Variants in PIK3C2A observed in about 807,000 individuals in gnomAD.
PIK3C2A encodes the protein phosphatidylinositol 4-phosphate 3-kinase C2 domain-containing subunit alpha.
A neutral mutation model predicts 204.5 loss-of-function variants in PIK3C2A; 97 were observed. The observed-to-expected ratio is 0.47, with a 90% CI of 0.40 to 0.56. The LOEUF is 0.56. Ranked by LOEUF, PIK3C2A falls within the 20% of genes least tolerant of loss-of-function variation. PIK3C2A has a pLI of 0.00. For missense variants in PIK3C2A, 1,735 were observed against 1,969.2 expected, an observed-to-expected ratio of 0.88 and a Z score of 2.25; for synonymous variants, 653 against 664.4, an observed-to-expected ratio of 0.98 and a Z score of 0.26.
At chr11:17,147,790 C>T (rs567083696) in intron 5 of PIK3C2A, among the ~76,000 whole-genome samples, 162 bp from the exon 6 acceptor site, 9 of 151,738 alleles carry the variant, frequency 5.9e-5, no homozygotes, top group East Asian at 1.9e-4. Context: ...TTATTCTGTA[C>T]GAGAAGAGTC....
At chr11:17,110,632 CTG>C in intron 21 of PIK3C2A, 71 bp from the exon 22 acceptor site, 1 of 1,416,960 alleles carries the variant, frequency 7.1e-7, no homozygotes, top group Non-Finnish European at 9.5e-7. Flanking sequence ...ACTATGAAAG[CTG>C]TAATCCCAGC....
chr11:17,165,619 T>C (rs936017061), intron 2 of PIK3C2A, among the ~76,000 whole-genome samples: 1 of 151,482 alleles, frequency 6.6e-6, no homozygotes, highest in Non-Finnish European at 1.5e-5. Context: ...CTACTAAAAA[T>C]ACAAAATTAG....
chr11:17,178,075 AGAGT>A (rs1220130452), intron 1 of PIK3C2A, among the ~76,000 whole-genome samples: 1 of 133,638 alleles, frequency 7.5e-6, no homozygotes, highest in African/African-American at 3.0e-5. Context: ...CCTGGGCAAC[AGAGT>A]GAGACTCCAT....
chr11:17,097,862 C>G (rs1432558074), intron 26 of PIK3C2A, among the ~76,000 whole-genome samples: 1 of 152,200 alleles, frequency 6.6e-6, no homozygotes, highest in Non-Finnish European at 1.5e-5. Flanking sequence ...TTGCAGTGAG[C>G]TGAGATTGCG....
At chr11:17,149,809 A>G (rs1458082133) in intron 4 of PIK3C2A, among the ~76,000 whole-genome samples, 1 of 152,138 alleles carries the variant, frequency 6.6e-6, no homozygotes, top group African/African-American at 2.4e-5. Flanking sequence ...TTTCAGATTT[A>G]TATTTTTTCA....
intron 21 of PIK3C2A, among the ~76,000 whole-genome samples, chr11:17,112,236 G>T (rs1483226288): frequency 6.6e-6 from 1 of 152,084 alleles, no homozygotes; most frequent in African/African-American, 2.4e-5. Flanking sequence ...TGGATCACCT[G>T]AGGTCAGGAG....
chr11:17,188,747 C>T (rs1468357866), intron 1 of PIK3C2A, among the ~76,000 whole-genome samples: 1 of 146,940 alleles, frequency 6.8e-6, no homozygotes, highest in Non-Finnish European at 1.5e-5. Flanking sequence ...GAGATCCCAT[C>T]TGAAGTATGT....
At chr11:17,156,349 T>C (rs1253129360) in intron 2 of PIK3C2A, among the ~76,000 whole-genome samples, 2 of 152,218 alleles carry the variant, frequency 1.3e-5, no homozygotes, top group Non-Finnish European at 2.9e-5. Flanking sequence ...TTTCAAGAGC[T>C]ATAACAGATT....
intron 2 of PIK3C2A, among the ~76,000 whole-genome samples, chr11:17,167,745 G>A (rs1297234492): frequency 6.6e-6 from 1 of 152,192 alleles, no homozygotes; most frequent in East Asian, 1.9e-4. Context: ...TAGTAGGTAA[G>A]TGCTGATCTA....
chr11:17,101,554 A>G, intron 24 of PIK3C2A, 120 bp from the exon 25 acceptor site: 1 of 442,646 alleles, frequency 2.3e-6, no homozygotes, highest in Non-Finnish European at 4.0e-6. Flanking sequence ...GAAACTTAAT[A>G]CCACACACTT....
At chr11:17,138,134 CATA>C (rs1849935971) in intron 8 of PIK3C2A, 2 of 775,216 alleles carry the variant, frequency 2.6e-6, no homozygotes, top group Admixed American at 3.6e-5. Flanking sequence ...TGGACAATCT[CATA>C]AGGGCTTTAG....
chr11:17,137,423 C>CTTTTTTTTTTTTT (rs33912263), intron 8 of PIK3C2A, among the ~76,000 whole-genome samples: 18 of 125,056 alleles, frequency 1.4e-4, no homozygotes, highest in African/African-American at 2.7e-4. Flanking sequence ...ATTACTTTGC[C>CTTTTTTTTTTTTT]TTTTTTTTTG....
At chr11:17,125,874 C>T (rs1007391142) in intron 13 of PIK3C2A, among the ~76,000 whole-genome samples, 8 of 152,050 alleles carry the variant, frequency 5.3e-5, no homozygotes, top group African/African-American at 1.9e-4. Context: ...CCTGTAATCC[C>T]AGCACTTGGG....
intron 1 of PIK3C2A, among the ~76,000 whole-genome samples, chr11:17,201,279 A>AG (rs1233953586): frequency 6.6e-6 from 1 of 152,028 alleles, no homozygotes; most frequent in Non-Finnish European, 1.5e-5. Context: ...CTGTCATCCC[A>AG]GCACTTCAGG....
At chr11:17,154,526 G>C (rs974594657) in intron 3 of PIK3C2A, among the ~76,000 whole-genome samples, 1 of 152,094 alleles carries the variant, frequency 6.6e-6, no homozygotes, top group African/African-American at 2.4e-5. Context: ...GCTGGATTCA[G>C]AAAAAAATCT....
At position 17,169,773 on chromosome 11, in the gene PIK3C2A, T is replaced by C. The variant is rs748214870; in HGVS notation, c.-32A>G. ...TAAAAAGACCAAACCTTCCTTCCTC[T>C]ATTTTTTTCTTGTAGCTTCCAAAAT... is the stretch of plus-strand genomic sequence containing the variant. On this transcript the variant is annotated 5_prime_UTR_variant, in exon 2 of 33. It adds an upstream start codon to the 5' untranslated region. Transcript: ENST00000691414. 5 of 1,479,834 alleles carry C rather than the reference T, an allele frequency of 3.4e-6. No homozygotes were observed. The highest frequency in any genetic ancestry group is 4.5e-6 in the Non-Finnish European group (5 of 1,104,216). 91.7% of individuals were successfully genotyped at this position (1,479,834 alleles called of 1,614,324 possible).
chr11:17,155,046 AC>A (rs1850536785), intron 3 of PIK3C2A, among the ~76,000 whole-genome samples: 1 of 152,166 alleles, frequency 6.6e-6, no homozygotes, highest in South Asian at 2.1e-4. Context: ...CAGTTTCCTC[AC>A]CTATAATGAA....
rs369922095 is a variant in PIK3C2A, at chr11:17,122,143, C to G, written c.2657+45G>C. 24 of 1,263,818 alleles carry G rather than the reference C, an allele frequency of 1.9e-5. No individual in the cohort carries two copies. In the African/African-American group the frequency reaches 3.6e-4, roughly 19 times the overall value. The allele number at this position is 1,263,818 out of a possible 1,614,324, so 78.3% of individuals were successfully genotyped here. A position where few individuals can be genotyped will look rare whatever the true frequency, so the allele number is the denominator to read the frequency against. ...AATGTAAGTCCTAACTTGACTTTTA[C>G]ATTACAGGAGATACTTAGCCCAAAA... On this transcript the variant is annotated intron_variant, in intron 15 of 32. Coordinates refer to ENST00000691414, the MANE Select transcript of PIK3C2A (RefSeq NM_002645.4).
intron 24 of PIK3C2A, among the ~76,000 whole-genome samples, 160 bp downstream of exon 24, chr11:17,102,502 A>T (rs570195698): frequency 2.0e-5 from 3 of 152,166 alleles, no homozygotes; most frequent in Non-Finnish European, 2.9e-5. Context: ...ACATTTACAC[A>T]CATTCTTGTC....
Sources: allele counts gnomAD v4.1 joint callset (sites outside exome capture counted in the v4.1 genomes callset), GRCh38; gene constraint gnomAD v4.1.1; transcripts MANE v1.5; gene names NCBI Gene and HGNC (gene_info 2026-07-23, HGNC 2026-07-21).